ATF6B: variants seen among roughly 807,000 people sequenced by gnomAD.
The protein encoded by ATF6B is cyclic AMP-dependent transcription factor ATF-6 beta.
A neutral mutation model predicts 83.5 loss-of-function variants in ATF6B; 50 were observed. The observed-to-expected ratio is 0.60, with a 90% confidence interval of 0.48 to 0.76. The LOEUF is 0.76. Ranked by LOEUF, ATF6B falls within the 30% of genes least tolerant of loss-of-function variation. ATF6B has a pLI of 0.00. For missense variants in ATF6B, 790 were observed against 893.8 expected (o/e 0.88, Z 1.48); for synonymous variants, 344 against 362.8 (o/e 0.95, Z 0.59).
intron 1 of ATF6B, 41 bp from the exon 2 acceptor site, chr6:32,127,791 C>T: frequency 1.9e-6 from 3 of 1,600,536 alleles, no homozygotes; most frequent in Non-Finnish European, 2.6e-6. Flanking sequence ...TTCGGTGGCC[C>T]CAGCCTACAG....
At chr6:32,121,822 C>A (rs1247666709) in intron 5 of ATF6B, among the ~76,000 whole-genome samples, 1 of 152,232 alleles carries the variant, frequency 6.6e-6, no homozygotes, top group Non-Finnish European at 1.5e-5. Context: ...GAGCTGCTCA[C>A]CTGCTGGCTC....
In ATF6B at chr6:32,118,791, T is replaced by C; in HGVS notation, c.1228A>G (p.Asn410Asp). The C allele has an allele frequency of 6.2e-7, 1 of 1,614,214 alleles. No homozygotes were observed. The highest frequency in any genetic ancestry group is 8.5e-7 in the Non-Finnish European group (1 of 1,180,036). Residue 410 changes from asparagine to aspartate, a missense_variant, in exon 11 of 18, where the codon AAC becomes GAC. By Grantham distance (23) the Asn-to-Asp change is conservative. Transcript: ENST00000375203. The surrounding 1 kb of genome is among the most constrained non-coding windows in gnomAD (Gnocchi z 5.2). ...AGGTCTCACCTGACAGGTCCAAAGT[T>C]GAAGGCAATGAAGAGAAGGAAGACC... is the stretch of plus-strand genomic sequence containing the variant. ...IMVFLLFIAF[N>D]FGPVSISEPP...
Position 32,118,155 on chromosome 6 carries a change from G to T in ATF6B, c.1245-117C>A. On this transcript the variant is annotated intron_variant, in intron 11 of 17. Coordinates refer to ENST00000375203, the MANE Select transcript of ATF6B (RefSeq NM_004381.5). The surrounding 1 kb of genome is among the most constrained non-coding windows in gnomAD (Gnocchi z 5.2). ...GTTGCAATCTGTTATACAAGCCTGA[G>T]TCTGCCTCTGTAAGATGGGAATAAG... 1.6e-6 allele frequency: 2 copies of T among 1,268,184 alleles called. No homozygotes were observed. The highest frequency in any genetic ancestry group is 2.2e-6 in the Non-Finnish European group (2 of 895,736). The allele number at this position is 1,268,184 out of a possible 1,614,324, so 78.6% of individuals were successfully genotyped here.
Position 32,118,983 on chromosome 6 carries a change from C to G in ATF6B, c.1125G>C (p.Arg375=), listed in dbSNP as rs1388142752. 3 of 1,614,076 alleles carry G rather than the reference C, an allele frequency of 1.9e-6. No individual in the cohort carries two copies. Among genetic ancestry groups the G allele is most frequent in the Non-Finnish European group, 2.5e-6 (3 of 1,179,920 alleles). ...CAGCCAGCAGGGCCTCCAGCCGCCG[C>G]CGGAGGGCAGCATTCTCTCGGCGGA... is the stretch of plus-strand genomic sequence containing the variant. The part of the protein sequence containing the change: ...QQLRRENAAL[R]RRLEALLAEN... Residue 375 remains arginine (R), a synonymous_variant, in exon 10 of 18, where the codon CGG becomes CGC. Transcript: ENST00000375203. This position sits in a 1 kb window ranked among gnomAD's most constrained non-coding sequence, Gnocchi z 5.2.
At position 32,119,705 on chromosome 6, in the gene ATF6B, T is replaced by C. The variant is rs1781675652; in HGVS notation, c.966+119A>G. The C allele has an allele frequency of 7.0e-7, 1 of 1,419,360 alleles. No individual in the cohort carries two copies. The highest frequency in any genetic ancestry group is 9.6e-7 in the Non-Finnish European group (1 of 1,044,162). 87.9% of individuals were successfully genotyped at this position (1,419,360 alleles called of 1,614,324 possible). ...CCCTCAGAATGATCTAATGGGTCCG[T>C]TTCCTCACTTTTTTCTCCTAGGTAT... On this transcript the variant is annotated intron_variant, in intron 9 of 17. Transcript: ENST00000375203. The surrounding 1 kb of genome is among the most constrained non-coding windows in gnomAD (Gnocchi z 4.9).
chr6:32,118,852 C>T lies in ATF6B; in HGVS notation c.1167G>A (p.Lys389=). Reference sequence around the variant, plus strand: ...CCACCTTCCTGTTTCCAGACCCTAACTTGAGCTCGCTGTTCTAAGGTACAA... The same window carrying T: ...CCACCTTCCTGTTTCCAGACCCTAATTTGAGCTCGCTGTTCTAAGGTACAA... ...EALLAENSEL[K]LGSGNRKVVC... Residue 389 remains lysine, a synonymous_variant, in exon 11 of 18, where the codon AAG becomes AAA. Transcript: ENST00000375203. This position sits in a 1 kb window ranked among gnomAD's most constrained non-coding sequence, Gnocchi z 5.2. 2 of 1,614,242 alleles carry T rather than the reference C, an allele frequency of 1.2e-6. No individual in the cohort carries two copies. Among genetic ancestry groups the T allele is most frequent in the Non-Finnish European group, 1.7e-6 (2 of 1,180,036 alleles).
At position 32,119,031 on chromosome 6, in the gene ATF6B, T is replaced by A; in HGVS notation, c.1077A>T (p.Ala359=). 1.2e-6 allele frequency: 2 copies of A among 1,614,188 alleles called. No homozygotes were observed. The highest frequency in any genetic ancestry group is 1.3e-5 in the African/African-American group (1 of 75,074). The change falls in exon 10 of 18, where the codon GCA becomes GCT. Residue 359 remains alanine (A), a synonymous_variant. Coordinates refer to ENST00000375203, the MANE Select transcript of ATF6B (RefSeq NM_004381.5). This position sits in a 1 kb window ranked among gnomAD's most constrained non-coding sequence, Gnocchi z 4.9. ...GGAGCTGCTGGTTGTCAGCCAGTAC[T>A]GCTTGCAGCCGAGCCTCCAGTCCCT... is the stretch of plus-strand genomic sequence containing the variant. ...YLQGLEARLQ[A]VLADNQQLRR... is the part of the protein sequence containing the mutation.
chr6:32,120,397 C>CT (rs956668299), intron 8 of ATF6B: 19 of 148,360 alleles, frequency 1.3e-4, no homozygotes, highest in South Asian at 2.2e-4. Context: ...TGTGCCTGGC[C>CT]TTTTTTTTTT....
rs2127340945 is a variant in ATF6B, at chr6:32,120,969, G to A, written c.700+20C>T. On this transcript the variant is annotated intron_variant, in intron 7 of 17. Coordinates refer to ENST00000375203, the MANE Select transcript of ATF6B (RefSeq NM_004381.5). ...AAAGGCCTCTCACTAGGGATTCCAA[G>A]TGTCAGGAGACTCCATTACCTGAGG... The A allele has an allele frequency of 1.3e-6, 2 of 1,518,290 alleles. No individual in the cohort carries two copies. The highest frequency in any genetic ancestry group is 2.2e-5 in the Admixed American group (1 of 44,684). 94.1% of individuals were successfully genotyped at this position (1,518,290 alleles called of 1,614,324 possible). A position where few individuals can be genotyped will look rare whatever the true frequency, so the allele number is the denominator to read the frequency against.
chr6:32,124,289 A>G (rs1391579779), intron 5 of ATF6B, among the ~76,000 whole-genome samples: 1 of 152,200 alleles, frequency 6.6e-6, no homozygotes, highest in East Asian at 1.9e-4. Flanking sequence ...GTCTCCATCC[A>G]GTGAACAGTA....
Position 32,119,782 on chromosome 6 carries a change from C to T in ATF6B, c.966+42G>A, listed in dbSNP as rs180723179. The T allele has an allele frequency of 1.9e-6, 3 of 1,604,602 alleles. No homozygotes were observed. Among genetic ancestry groups the T allele is most frequent in the African/African-American group, 1.3e-5 (1 of 74,854 alleles). On this transcript the variant is annotated intron_variant, in intron 9 of 17. Transcript: ENST00000375203. This position sits in a 1 kb window ranked among gnomAD's most constrained non-coding sequence, Gnocchi z 4.9. Reference sequence around the variant, plus strand: ...CTCTATGGCAAGACTTCCCTCTTCCCTTCCCATCACTCGCCCTACTTCTCT... The same window carrying T: ...CTCTATGGCAAGACTTCCCTCTTCCTTTCCCATCACTCGCCCTACTTCTCT...
At position 32,119,403 on chromosome 6, in the gene ATF6B, CTCTT is replaced by C. The variant is rs1380007550; in HGVS notation, c.967-266_967-263del. 3.3e-5 allele frequency among the ~76,000 whole-genome samples: 5 copies of C among 152,320 alleles called. No homozygotes were observed. Among genetic ancestry groups the C allele is most frequent in the Non-Finnish European group, 5.9e-5 (4 of 68,028 alleles). On this transcript the variant is annotated intron_variant, in intron 9 of 17. Coordinates refer to ENST00000375203, the MANE Select transcript of ATF6B (RefSeq NM_004381.5). This position sits in a 1 kb window ranked among gnomAD's most constrained non-coding sequence, Gnocchi z 4.9. The stretch of plus-strand genomic sequence containing the variant: ...AGAACTTTCTCCATGCTGGTGGAAA[CTCTT>C]TCCTTCGTAACTCTTTCTTCCTGTC...
In ATF6B at chr6:32,116,173, G is replaced by GCATT. The variant is rs1459325491; in HGVS notation, c.1883-209_1883-206dup. On this transcript the variant is annotated intron_variant, in intron 17 of 17. Coordinates refer to ENST00000375203, the MANE Select transcript of ATF6B (RefSeq NM_004381.5). This position sits in a 1 kb window ranked among gnomAD's most constrained non-coding sequence, Gnocchi z 5.1. The stretch of plus-strand genomic sequence containing the variant: ...AAGGAGAGGGTAGGAAAAGAAAAGG[G>GCATT]CATTGAGTGTGGGGTCACACAGGAG... 6.6e-6 allele frequency among the ~76,000 whole-genome samples: 1 copy of GCATT among 152,138 alleles called. No individual in the cohort carries two copies. Among genetic ancestry groups the GCATT allele is most frequent in the Non-Finnish European group, 1.5e-5 (1 of 68,026 alleles).
At position 32,127,529 on chromosome 6, in the gene ATF6B, G is replaced by A. The variant is rs1782033700; in HGVS notation, c.172-9C>T. On this transcript the variant is annotated splice_polypyrimidine_tract_variant and intron_variant, in intron 2 of 17. Coordinates refer to ENST00000375203, the MANE Select transcript of ATF6B (RefSeq NM_004381.5). ...AGGGAGCTGCCGTCAAACTAAATAA[G>A]GGAGGATACAAGAGGGCAGGAGTGT... is the stretch of plus-strand genomic sequence containing the variant. 6.2e-7 allele frequency: 1 copy of A among 1,613,016 alleles called. No individual in the cohort carries two copies. Among genetic ancestry groups the A allele is most frequent in the African/African-American group, 1.3e-5 (1 of 74,880 alleles).
chr6:32,115,519 A>G lies in ATF6B; in HGVS notation c.*220T>C. 2.2e-6 allele frequency: 1 copy of G among 451,854 alleles called. No homozygotes were observed. The highest frequency in any genetic ancestry group is 3.9e-6 in the Non-Finnish European group (1 of 258,796). 28.0% of individuals were successfully genotyped at this position (451,854 alleles called of 1,614,324 possible). On this transcript the variant is annotated 3_prime_UTR_variant, in exon 18 of 18. Transcript: ENST00000375203. ...CTCACACAATCCCCTCAAACAAAGA[A>G]GCCAGGACTGGGGGTTCACAGGAAT...
At chr6:32,123,589 T>C (rs1267880846) in intron 5 of ATF6B, among the ~76,000 whole-genome samples, 1 of 152,122 alleles carries the variant, frequency 6.6e-6, no homozygotes, top group Admixed American at 6.6e-5. Context: ...GGCGCTTCAC[T>C]GTGTTAGCCC....
At chr6:32,127,339 C>T in intron 3 of ATF6B, 103 bp downstream of exon 3, 1 of 1,403,592 alleles carries the variant, frequency 7.1e-7, no homozygotes, top group Non-Finnish European at 9.7e-7. Context: ...AGGATAGGCA[C>T]TTATGTAGAA....
In ATF6B at chr6:32,120,807, T is replaced by G; in HGVS notation, c.796A>C (p.Thr266Pro). The G allele has an allele frequency of 6.2e-7, 1 of 1,610,840 alleles. No individual in the cohort carries two copies. The highest frequency in any genetic ancestry group is 8.5e-7 in the Non-Finnish European group (1 of 1,178,248). The change falls in exon 8 of 18, where the codon ACA (threonine) becomes CCA (proline). Residue 266 changes from threonine to proline, a missense_variant. This residue lies in a region of ATF6B where 530 missense variants were observed against 632.6 expected (regional missense o/e 0.84). Coordinates refer to ENST00000375203, the MANE Select transcript of ATF6B (RefSeq NM_004381.5). ...MPSRAVPPST[T>P]VLLQSLVQPP... ...TGGACGAGGGACTGCAGAAGGACTGTGGTGCTGGGAGGCACAGCTCTGGAT... is the reference window on the plus strand; with the variant it reads ...TGGACGAGGGACTGCAGAAGGACTGGGGTGCTGGGAGGCACAGCTCTGGAT...
chr6:32,127,069 G>A (rs372510610), intron 4 of ATF6B, 34 bp downstream of exon 4: 266 of 1,479,478 alleles, frequency 1.8e-4, no homozygotes, highest in Non-Finnish European at 2.4e-4. Flanking sequence ...CAGAGTCCCC[G>A]TCACAGAGAG....
Sources: allele counts gnomAD v4.1 joint callset (sites outside exome capture counted in the v4.1 genomes callset), GRCh38; gene constraint gnomAD v4.1.1; regional missense constraint gnomAD v4.1.1; non-coding constraint Gnocchi (gnomAD v3.1); transcripts MANE v1.5; gene names NCBI Gene and HGNC (gene_info 2026-07-23, HGNC 2026-07-21).